The following TAFA2 variants were observed in gnomAD, a reference collection of about 807,000 sequenced individuals.
TAFA2 encodes TAFA chemokine like family member 2.
Under a neutral mutation model 18.8 loss-of-function variants are expected in TAFA2, and 7 were observed. The observed-to-expected ratio is 0.37, with a 90% CI of 0.21 to 0.70. The LOEUF (loss-of-function observed/expected upper bound fraction) is 0.70. Ranked by LOEUF, TAFA2 falls within the 30% of genes least tolerant of loss-of-function variation. TAFA2 has a pLI of 0.53. For missense variants in TAFA2, 122 were observed against 158.1 expected, an observed-to-expected ratio of 0.77 and a Z score of 1.23; for synonymous variants, 60 against 54.2, an observed-to-expected ratio of 1.11 and a Z score of -0.47.
intron 1 of TAFA2, among the ~76,000 whole-genome samples, chr12:62,182,654 G>C (rs2062560117): frequency 6.6e-6 from 1 of 152,154 alleles, no homozygotes; most frequent in African/African-American, 2.4e-5. Flanking sequence ...TGGGACTACA[G>C]AGCCTGTTCC....
At chr12:61,975,514 C>CGTGTGTGTGTGTGT (rs3031098) in intron 1 of TAFA2, among the ~76,000 whole-genome samples, 36,000 of 136,348 alleles carry the variant, frequency 0.26, 5,329 homozygotes, top group Middle Eastern at 0.33. Flanking sequence ...CAATAATATT[C>CGTGTGTGTGTGTGT]GTGTGTGTGT....
At chr12:61,951,956 A>G (rs542452212) in intron 1 of TAFA2, among the ~76,000 whole-genome samples, 2 of 152,272 alleles carry the variant, frequency 1.3e-5, no homozygotes, top group South Asian at 2.1e-4. Flanking sequence ...AGCATTTTAA[A>G]CAATGTAATT....
chr12:61,759,522 C>G (rs748316774), intron 2 of TAFA2, among the ~76,000 whole-genome samples: 1 of 151,902 alleles, frequency 6.6e-6, no homozygotes, highest in East Asian at 1.9e-4. Flanking sequence ...GACATGGAAC[C>G]GACTCACCAC....
At chr12:62,157,144 G>A (rs2062375160) in intron 1 of TAFA2, among the ~76,000 whole-genome samples, 2 of 152,080 alleles carry the variant, frequency 1.3e-5, no homozygotes, top group African/African-American at 4.8e-5. Flanking sequence ...AATAAAAAAT[G>A]TTAAGTACAA....
chr12:62,222,661 C>T lies in TAFA2; in HGVS notation c.-130+36102G>A, dbSNP rs1253082871. Among the ~76,000 whole-genome samples, 4 of 150,566 alleles carry T rather than the reference C, an allele frequency of 2.7e-5. No individual in the cohort carries two copies. In the East Asian group the frequency reaches 7.7e-4, roughly 29 times the overall value. On this transcript the variant is annotated intron_variant, in intron 1 of 5. Coordinates refer to the TAFA2 transcript ENST00000551619. ...AGCTGGGACTACAGGTGCCCGCCAC[C>T]ACGCCCAGCTAATTTTTTTTTTTTT...
intron 1 of TAFA2, among the ~76,000 whole-genome samples, chr12:62,239,761 T>C (rs373616353): frequency 6.6e-6 from 1 of 152,072 alleles, no homozygotes; most frequent in East Asian, 1.9e-4. Context: ...ACCGAGTGAG[T>C]CTTCAAATGA....
At chr12:61,918,438 C>T (rs1876918141) in intron 1 of TAFA2, among the ~76,000 whole-genome samples, 1 of 152,046 alleles carries the variant, frequency 6.6e-6, no homozygotes, top group African/African-American at 2.4e-5. Flanking sequence ...GCTTATTTCT[C>T]TTGACATAAT....
At chr12:61,993,085 C>A (rs920128739) in intron 1 of TAFA2, among the ~76,000 whole-genome samples, 1 of 152,164 alleles carries the variant, frequency 6.6e-6, no homozygotes, top group Non-Finnish European at 1.5e-5. Context: ...AAGTTTTAAC[C>A]AGAGGCTGTC....
upstream of TAFA2, chr12:62,192,929 G>GA (rs1449869310): frequency 6.6e-6 from 1 of 151,942 alleles, no homozygotes; most frequent in Non-Finnish European, 1.5e-5. Context: ...TAAAGAAAAA[G>GA]AAAAAAATAT....
intron 1 of TAFA2, among the ~76,000 whole-genome samples, chr12:62,084,391 A>C (rs1868374292): frequency 6.6e-6 from 1 of 152,198 alleles, no homozygotes; most frequent in Admixed American, 6.5e-5. Context: ...GACGTAACAC[A>C]AACGATGCTG....
In TAFA2 at chr12:62,021,894, C is replaced by A. The variant is rs1354194300; in HGVS notation, c.-1-154468G>T. 3 of 754,644 alleles carry A rather than the reference C, an allele frequency of 4.0e-6. No individual in the cohort carries two copies. In the African/African-American group the frequency reaches 5.1e-5, roughly 13 times the overall value. The allele number at this position is 754,644 out of a possible 1,614,324, so 46.7% of individuals were successfully genotyped here. ...CTCGGAGTTTCCCAGACACCATGACCTCACAGCCTTTGGCCCCACTCTCCA... is the reference window on the plus strand; with the variant it reads ...CTCGGAGTTTCCCAGACACCATGACATCACAGCCTTTGGCCCCACTCTCCA... On this transcript the variant is annotated intron_variant, in intron 1 of 4. Coordinates refer to ENST00000416284, the MANE Select transcript of TAFA2 (RefSeq NM_178539.5).
chr12:61,979,806 C>A (rs1026398173), intron 1 of TAFA2, among the ~76,000 whole-genome samples: 1 of 151,978 alleles, frequency 6.6e-6, no homozygotes, highest in Non-Finnish European at 1.5e-5. Flanking sequence ...AGTAAAGATG[C>A]CTAGAAGGAG....
At chr12:61,733,380 T>C (rs1454852796) in intron 4 of TAFA2, among the ~76,000 whole-genome samples, 3 of 152,126 alleles carry the variant, frequency 2.0e-5, no homozygotes, top group Non-Finnish European at 2.9e-5. Context: ...TGCCCAGGTT[T>C]TCTTCTAGGG....
chr12:62,176,847 A>G (rs1339400814), intron 1 of TAFA2, among the ~76,000 whole-genome samples: 1 of 152,214 alleles, frequency 6.6e-6, no homozygotes, highest in Non-Finnish European at 1.5e-5. Flanking sequence ...AGCAGAATGA[A>G]TCTAATGTTC....
At chr12:61,994,258 G>A (rs985994472) in intron 1 of TAFA2, among the ~76,000 whole-genome samples, 2 of 152,040 alleles carry the variant, frequency 1.3e-5, no homozygotes, top group Non-Finnish European at 1.5e-5. Flanking sequence ...ATAACTTCAT[G>A]CAGACAAACC....
intron 1 of TAFA2, among the ~76,000 whole-genome samples, chr12:62,043,481 G>T (rs934122124): frequency 1.3e-5 from 2 of 151,442 alleles, no homozygotes; most frequent in Non-Finnish European, 2.9e-5. Context: ...GGGTAGGGGG[G>T]AGGGATAGCA....
intron 1 of TAFA2, among the ~76,000 whole-genome samples, chr12:62,030,887 G>A (rs191345345): frequency 1.1e-4 from 16 of 152,180 alleles, no homozygotes; most frequent in African/African-American, 3.6e-4. Context: ...TAGGAGTAAC[G>A]GGTTTCTGGA....
intron 4 of TAFA2, among the ~76,000 whole-genome samples, chr12:61,718,850 T>C (rs958736726): frequency 6.6e-6 from 1 of 152,178 alleles, no homozygotes; most frequent in Non-Finnish European, 1.5e-5. Context: ...GAATCACCAG[T>C]CTCACTACAG....
chr12:61,880,702 C>A, intron 1 of TAFA2: 2 of 369,330 alleles, frequency 5.4e-6, no homozygotes, highest in Non-Finnish European at 1.1e-5. Flanking sequence ...TCCACCAGGG[C>A]TATGGTTGTG....
Sources: gnomAD v4.1 joint callset for allele counts (sites outside exome capture counted in the v4.1 genomes callset) on GRCh38, gnomAD v4.1.1 for gene constraint, MANE v1.5 for transcripts, NCBI Gene and HGNC (gene_info 2026-07-23, HGNC 2026-07-21) for gene names.